Variants in SPINK5 observed in about 807,000 individuals in gnomAD.
The protein encoded by SPINK5 is serine protease inhibitor Kazal-type 5.
SPINK5 carries 125 observed loss-of-function variants against 151.8 expected under a neutral mutation model. The observed-to-expected ratio is 0.82, with a 90% confidence interval of 0.71 to 0.96. The LOEUF (loss-of-function observed/expected upper bound fraction) is 0.96. Among genes scored for constraint, SPINK5 ranks in the 40% least tolerant of loss-of-function variants. The probability of loss-of-function intolerance (pLI) is 0.00; values close to 1 mark genes in which losing one functional copy is unlikely to be tolerated. For synonymous variants in SPINK5, 374 were observed against 395.3 expected, an observed-to-expected ratio of 0.95 and a Z score of 0.64; for missense variants, 1,194 against 1,291.9, an observed-to-expected ratio of 0.92 and a Z score of 1.16.
chr5:148,069,342 T>C (rs1035284060), intron 2 of SPINK5, among the ~76,000 whole-genome samples: 1 of 151,932 alleles, frequency 6.6e-6, no homozygotes, highest in Middle Eastern at 3.2e-3. Flanking sequence ...ATTCTATTAT[T>C]TAAAATGTTT....
In SPINK5 at chr5:148,118,303, C is replaced by T. The variant is rs2113185580; in HGVS notation, c.2113-134C>T. The T allele has an allele frequency of 2.2e-6, 3 of 1,349,936 alleles. No individual in the cohort carries two copies. In the East Asian group the frequency reaches 7.4e-5, roughly 33 times the overall value. 83.6% of individuals were successfully genotyped at this position (1,349,936 alleles called of 1,614,324 possible). On this transcript the variant is annotated intron_variant, in intron 22 of 32. Coordinates refer to ENST00000256084, the MANE Select transcript of SPINK5 (RefSeq NM_006846.4). ...AAGTGCTGGGATTACAGGCATGAGC[C>T]ACCGTACCCGGCAATGTTATGTTTC...
chr5:148,085,531 T>C (rs1394168980), intron 4 of SPINK5, among the ~76,000 whole-genome samples: 2 of 151,914 alleles, frequency 1.3e-5, no homozygotes, highest in African/African-American at 4.8e-5. Flanking sequence ...AAATCTGGAA[T>C]GTAGGTAGGG....
chr5:148,107,254 CCG>C (rs1753808146), intron 17 of SPINK5, 90 bp downstream of exon 17: 6 of 1,542,814 alleles, frequency 3.9e-6, no homozygotes, highest in Admixed American at 1.9e-5. Flanking sequence ...AGAGTATAGA[CCG>C]TGAGTTATAT....
intron 6 of SPINK5, 75 bp downstream of exon 6, chr5:148,088,680 C>A: frequency 7.1e-7 from 1 of 1,412,414 alleles, no homozygotes. Flanking sequence ...TCTCCTCTTC[C>A]TTCTTAGGTG....
chr5:148,099,192 G>A (rs920536191), intron 11 of SPINK5, 42 bp from the exon 12 acceptor site: 38 of 1,553,862 alleles, frequency 2.4e-5, no homozygotes, highest in Admixed American at 7.2e-5. Context: ...CATGGCATGT[G>A]TTTGTTCCTA....
chr5:148,118,947 T>G, intron 23 of SPINK5, 39 bp from the exon 24 acceptor site: 1 of 1,603,636 alleles, frequency 6.2e-7, no homozygotes, highest in South Asian at 1.1e-5. Context: ...AGGGTCAATA[T>G]TTGTTAACAA....
chr5:148,114,764 G>T (rs1387327504), intron 21 of SPINK5, among the ~76,000 whole-genome samples: 1 of 152,160 alleles, frequency 6.6e-6, no homozygotes, highest in Non-Finnish European at 1.5e-5. Context: ...TAAGTTATTT[G>T]CTATCAAGTG....
chr5:148,097,875 C>T lies in SPINK5; in HGVS notation c.891C>T (p.Cys297=), dbSNP rs752941297. ...TCTTATTCATTATTCAGAAACTCTG[C>T]AGTCAATATCAAAATCAGGCAAAGA... ...TKVKREIVKL[C]SQYQNQAKNG... The change falls in exon 11 of 33, where the codon TGC becomes TGT. Residue 297 remains cysteine (C), a synonymous_variant. Transcript: ENST00000256084. 5.1e-5 allele frequency: 82 copies of T among 1,607,820 alleles called. No homozygotes were observed. Among genetic ancestry groups the T allele is most frequent in the Non-Finnish European group, 6.9e-5 (81 of 1,175,096 alleles).
At chr5:148,077,791 G>T (rs1230262018) in intron 4 of SPINK5, among the ~76,000 whole-genome samples, 1 of 150,376 alleles carries the variant, frequency 6.6e-6, no homozygotes, top group Non-Finnish European at 1.5e-5. Context: ...AATTACTAGA[G>T]TAGCTACTAA....
intron 26 of SPINK5, among the ~76,000 whole-genome samples, chr5:148,123,423 T>G (rs1221929924): frequency 1.4e-4 from 17 of 122,308 alleles, no homozygotes; most frequent in African/African-American, 4.8e-4. Flanking sequence ...ATTATATATA[T>G]AGATATATAT....
At chr5:148,068,153 T>A (rs1752633016) in intron 2 of SPINK5, among the ~76,000 whole-genome samples, 1 of 152,146 alleles carries the variant, frequency 6.6e-6, no homozygotes, top group South Asian at 2.1e-4. Context: ...CAGACAGGTC[T>A]CAAGATGCCC....
Position 148,101,872 on chromosome 5 carries a change from T to C in SPINK5, c.1394T>C (p.Met465Thr). The change falls in exon 15 of 33, where the codon ATG (methionine) becomes ACG (threonine). Residue 465 changes from methionine to threonine, a missense_variant. Met to Thr is a moderately conservative substitution (Grantham distance 81). Transcript: ENST00000256084. ...NDPIQGPDGKMHGNTCSMCEA... is the reference protein window; with the variant it reads ...NDPIQGPDGKTHGNTCSMCEA... Reference sequence around the variant, plus strand: ...CCCATCCAGGGCCCAGATGGAAAAATGCATGGCAACACCTGCTCCATGTGT... The same window carrying C: ...CCCATCCAGGGCCCAGATGGAAAAACGCATGGCAACACCTGCTCCATGTGT... The C allele has an allele frequency of 1.2e-6, 2 of 1,613,692 alleles. No individual in the cohort carries two copies. Among genetic ancestry groups the C allele is most frequent in the South Asian group, 2.2e-5 (2 of 91,080 alleles).
chr5:148,112,909 C>A lies in SPINK5; in HGVS notation c.1862C>A (p.Ala621Glu). ...AKEKERAEPR[A>E]KVKREAEKET... ...GAAAAAGAAAGAGCTGAACCCAGAG[C>A]AAAAGTCAAAAGAGAAGCTGAAAAG... The change falls in exon 20 of 33, where the codon GCA becomes GAA. Residue 621 changes from alanine to glutamate, a missense_variant. By Grantham distance (107) the Ala-to-Glu change is moderately radical. Coordinates refer to ENST00000256084, the MANE Select transcript of SPINK5 (RefSeq NM_006846.4). 1 of 1,613,756 alleles carries A rather than the reference C, an allele frequency of 6.2e-7. No individual in the cohort carries two copies. Among genetic ancestry groups the A allele is most frequent in the Non-Finnish European group, 8.5e-7 (1 of 1,179,866 alleles).
chr5:148,124,100 CA>C, intron 27 of SPINK5, 140 bp downstream of exon 27: 2 of 1,017,038 alleles, frequency 2.0e-6, no homozygotes, highest in Non-Finnish European at 2.9e-6. Context: ...AGACAATTTC[CA>C]AAGCACTTTC....
rs1385705657 is a variant in SPINK5 at position 148,123,893 on chromosome 5, A to G, written c.2599A>G (p.Asn867Asp). Residue 867 changes from asparagine (N) to aspartate (D), a missense_variant, in exon 27 of 33, where the codon AAT becomes GAT. Asn to Asp is a conservative substitution (Grantham distance 23). Transcript: ENST00000256084. ...RNGKLICTRE[N>D]NPVRGPYGKM... ...TGGAAAGCTTATCTGCACCAGAGAA[A>G]ATAACCCTGTTCGAGGCCCATATGG... 2 of 1,614,066 alleles carry G rather than the reference A, an allele frequency of 1.2e-6. No homozygotes were observed. Among genetic ancestry groups the G allele is most frequent in the African/African-American group, 1.3e-5 (1 of 75,018 alleles).
At chr5:148,099,426 T>G in intron 12 of SPINK5, 111 bp downstream of exon 12, 1 of 836,594 alleles carries the variant, frequency 1.2e-6, no homozygotes, top group Non-Finnish European at 2.0e-6. Context: ...ATCTTAACTC[T>G]TCAATCTGGG....
chr5:148,103,752 ATAGT>A (rs1283103007), intron 15 of SPINK5, among the ~76,000 whole-genome samples: 6 of 152,266 alleles, frequency 3.9e-5, no homozygotes, highest in Middle Eastern at 3.4e-3. Flanking sequence ...TCTACCCTCC[ATAGT>A]TAGTTTTTGC....
chr5:148,094,520 G>T (rs371183200), intron 9 of SPINK5, 39 bp downstream of exon 9: 18 of 1,611,122 alleles, frequency 1.1e-5, no homozygotes, highest in Non-Finnish European at 1.5e-5. Flanking sequence ...GATTCAAAGG[G>T]TGGGAGTGGA....
chr5:148,124,724 C>T (rs1157094452), intron 27 of SPINK5, 41 bp from the exon 28 acceptor site: 1 of 1,479,312 alleles, frequency 6.8e-7, no homozygotes, highest in East Asian at 2.4e-5. Context: ...AGTAACAACC[C>T]TTGAAAAATT....
Sources: allele counts gnomAD v4.1 joint callset (sites outside exome capture counted in the v4.1 genomes callset), GRCh38; gene constraint gnomAD v4.1.1; transcripts MANE v1.5; gene names NCBI Gene and HGNC (gene_info 2026-07-23, HGNC 2026-07-21).